Variants in TAB1 observed in about 807,000 individuals in gnomAD.
TAB1 encodes TGF-beta activated kinase 1 (MAP3K7) binding protein 1, also known as TGF-beta-activated kinase 1 and MAP3K7-binding protein 1.
TAB1 carries 30 observed loss-of-function variants against 54.5 expected under a neutral mutation model. The observed-to-expected ratio is 0.55, with a 90% confidence interval of 0.41 to 0.75. TAB1 has a LOEUF of 0.75. Among genes scored for constraint, TAB1 ranks in the 30% least tolerant of loss-of-function variants. The pLI is 0.00. For missense variants in TAB1, 609 were observed against 683.2 expected, an observed-to-expected ratio of 0.89 and a Z score of 1.21; for synonymous variants, 289 against 286.9, an observed-to-expected ratio of 1.01 and a Z score of -0.07.
In TAB1 at chr22:39,428,014, C is replaced by T; in HGVS notation, c.1145-7C>T. ...TGCCTGAGGCCCCCACTCTCTTCCT[C>T]CCAAAGCTGCAGGAGGACGAGTGTA... On this transcript the variant is annotated splice_polypyrimidine_tract_variant and splice_region_variant and intron_variant, in intron 9 of 10. Coordinates refer to ENST00000216160, the MANE Select transcript of TAB1 (RefSeq NM_006116.3). The T allele has an allele frequency of 6.3e-7, 1 of 1,580,176 alleles. No individual in the cohort carries two copies. Among genetic ancestry groups the T allele is most frequent in the African/African-American group, 1.3e-5 (1 of 74,588 alleles).
chr22:39,403,180 C>G (rs1280969961), intron 1 of TAB1, among the ~76,000 whole-genome samples: 1 of 152,230 alleles, frequency 6.6e-6, no homozygotes, highest in Non-Finnish European at 1.5e-5. Flanking sequence ...CTTTGTGGAG[C>G]TGATGGTCTA....
At chr22:39,435,574 C>A (rs1001941560), downstream of TAB1, among the ~76,000 whole-genome samples, 2 of 152,198 alleles carry the variant, frequency 1.3e-5, no homozygotes, top group African/African-American at 4.8e-5. Flanking sequence ...GGCAGAGTGA[C>A]TGGGAGACAG....
At chr22:39,414,745 T>G in intron 1 of TAB1, 1 of 470,436 alleles carries the variant, frequency 2.1e-6, no homozygotes, top group South Asian at 2.5e-5. Flanking sequence ...GGCTCACTCC[T>G]GGAGGTCATT....
chr22:39,399,807 C>T lies in TAB1; in HGVS notation c.5C>T (p.Ala2Val), dbSNP rs1926042725. The T allele has an allele frequency of 1.9e-6, 3 of 1,595,354 alleles. No homozygotes were observed. Among genetic ancestry groups the T allele is most frequent in the Non-Finnish European group, 2.6e-6 (3 of 1,171,496 alleles). ...TCCCGCAGGGGTTCCTCCAAGATGG[C>T]GGCGCAGAGGAGGAGCTTGCTGCAG... M[A>V]AQRRSLLQSE... Residue 2 changes from alanine to valine, a missense_variant, in exon 1 of 11, where the codon GCG becomes GTG. Transcript: ENST00000216160.
At position 39,426,778 on chromosome 22, in the gene TAB1, C is replaced by T. The variant is rs1313723406; in HGVS notation, c.997C>T (p.Arg333Trp). ...CGCAGTGGCCCAGGCCGTCGTGGAC[C>T]GGGTGAAGCGCATCCACAGCGACAC... Reference protein sequence around the residue: ...LDAVAQAVVDRVKRIHSDTFA... With the variant: ...LDAVAQAVVDWVKRIHSDTFA... The change falls in exon 9 of 11, where the codon CGG becomes TGG. Residue 333 changes from arginine to tryptophan, a missense_variant. Arg to Trp is a moderately radical substitution (Grantham distance 101). Transcript: ENST00000216160. 2.5e-6 allele frequency: 4 copies of T among 1,614,036 alleles called. No homozygotes were observed. The highest frequency in any genetic ancestry group is 1.3e-5 in the African/African-American group (1 of 75,064).
chr22:39,430,599 C>A lies in TAB1; in HGVS notation c.*377C>A, dbSNP rs1046348546. On this transcript the variant is annotated 3_prime_UTR_variant, in exon 11 of 11. Transcript: ENST00000216160. ...CCCTGAGTGTTGCAGGCCCAGCAGA[C>A]CCTGCTGTCCCAAGCCCACCCCTCC... 44 of 1,126,536 alleles carry A rather than the reference C, an allele frequency of 3.9e-5. 1 individual carries two copies. Among genetic ancestry groups the A allele is most frequent in the South Asian group, 9.5e-5 (4 of 42,292 alleles). The allele number at this position is 1,126,536 out of a possible 1,614,324, so 69.8% of individuals were successfully genotyped here.
At chr22:39,429,410 T>C (rs1274479777) in intron 10 of TAB1, 1 of 973,282 alleles carries the variant, frequency 1.0e-6, no homozygotes, top group East Asian at 1.1e-4. Context: ...AGTGCTCGCG[T>C]GGGTGCTGTC....
chr22:39,432,276 G>A (rs953065371), downstream of TAB1, among the ~76,000 whole-genome samples: 9 of 152,204 alleles, frequency 5.9e-5, no homozygotes, highest in African/African-American at 1.9e-4. Context: ...TCACCAGGGC[G>A]GAGGCCTTGC....
At chr22:39,433,945 C>A, downstream of TAB1, 1 of 490,574 alleles carries the variant, frequency 2.0e-6, no homozygotes, top group Non-Finnish European at 2.6e-6. Context: ...AGCCTGTATC[C>A]GTGTCGCCTC....
chr22:39,423,591 C>T (rs1442242342), intron 8 of TAB1, among the ~76,000 whole-genome samples: 2 of 152,136 alleles, frequency 1.3e-5, no homozygotes, highest in Non-Finnish European at 2.9e-5. Context: ...AGCAACAGAG[C>T]AAGACTCTGT....
intron 8 of TAB1, among the ~76,000 whole-genome samples, chr22:39,425,001 T>A (rs982968922): frequency 8.5e-5 from 13 of 152,160 alleles, no homozygotes; most frequent in African/African-American, 3.1e-4. Context: ...GAGAAAGTGA[T>A]ACATATTCAG....
At chr22:39,433,523 C>T (rs1174569514), downstream of TAB1, 2 of 985,242 alleles carry the variant, frequency 2.0e-6, no homozygotes, top group African/African-American at 3.5e-5. Context: ...AGGTCCTGGC[C>T]CTCAGAAATC....
At chr22:39,436,786 T>A (rs1927803507), downstream of TAB1, 6 of 580,250 alleles carry the variant, frequency 1.0e-5, no homozygotes, top group Non-Finnish European at 1.8e-5. Flanking sequence ...CACTCTCATC[T>A]TCTTTCCAGG....
At position 39,418,861 on chromosome 22, in the gene TAB1, G is replaced by C; in HGVS notation, c.664+16G>C. 6.3e-7 allele frequency: 1 copy of C among 1,599,298 alleles called. No individual in the cohort carries two copies. The highest frequency in any genetic ancestry group is 8.6e-7 in the Non-Finnish European group (1 of 1,166,682). On this transcript the variant is annotated intron_variant, in intron 6 of 10. Transcript: ENST00000216160. ...TCGCAGCTGGGTGAGTGGGGAGAGT[G>C]GGAGCGGAAGCTGATCCCCATGGGC...
chr22:39,414,615 C>G (rs1055351920), intron 1 of TAB1: 6 of 204,062 alleles, frequency 2.9e-5, no homozygotes, highest in African/African-American at 1.4e-4. Context: ...TGTTGGTAAC[C>G]AATGCTCAAG....
downstream of TAB1, chr22:39,436,425 C>G (rs1358765024): frequency 2.2e-6 from 3 of 1,387,800 alleles, no homozygotes; most frequent in Non-Finnish European, 3.1e-6. Context: ...CAAGATCACA[C>G]AGGAGCAAAG....
downstream of TAB1, chr22:39,433,946 G>A (rs1222443860): frequency 1.0e-5 from 5 of 477,470 alleles, no homozygotes; most frequent in Non-Finnish European, 1.3e-5. Flanking sequence ...GCCTGTATCC[G>A]TGTCGCCTCT....
rs17001093 is a variant in TAB1 at position 39,417,943 on chromosome 22, C to G, written c.550+94C>G. 1.1e-3 allele frequency: 1,618 copies of G among 1,473,828 alleles called. 25 individuals carry two copies. In the East Asian group the frequency reaches 0.032, roughly 29 times the overall value. The allele number at this position is 1,473,828 out of a possible 1,614,324, so 91.3% of individuals were successfully genotyped here. Reference sequence around the variant, plus strand: ...TTGACAATCTGCTTTCCAGACACTTCACGCACTTTAAACCCAGGGTCTCCT... The same window carrying G: ...TTGACAATCTGCTTTCCAGACACTTGACGCACTTTAAACCCAGGGTCTCCT... On this transcript the variant is annotated intron_variant, in intron 5 of 10. Coordinates refer to ENST00000216160, the MANE Select transcript of TAB1 (RefSeq NM_006116.3).
rs370831283 is a variant in TAB1, at chr22:39,415,620, C to A, written c.291C>A (p.His97Gln). ...ELLLGQLNAE[H>Q]AEADVRRVLL... ...TGCTGGGCCAGCTGAATGCCGAGCA[C>A]GCCGAGGCCGATGTGCGGCGTGTGC... Residue 97 changes from histidine to glutamine, a missense_variant, in exon 3 of 11, where the codon CAC (histidine) becomes CAA (glutamine). By Grantham distance (24) the His-to-Gln change is conservative. Coordinates refer to ENST00000216160, the MANE Select transcript of TAB1 (RefSeq NM_006116.3). This position sits in a 1 kb window ranked among gnomAD's most constrained non-coding sequence, Gnocchi z 4.9. 58 of 1,612,890 alleles carry A rather than the reference C, an allele frequency of 3.6e-5. No individual in the cohort carries two copies. Among genetic ancestry groups the A allele is most frequent in the Non-Finnish European group, 4.8e-5 (57 of 1,179,990 alleles).
Sources: gnomAD v4.1 joint callset for allele counts (sites outside exome capture counted in the v4.1 genomes callset) on GRCh38, gnomAD v4.1.1 for gene constraint, Gnocchi (gnomAD v3.1) non-coding constraint, MANE v1.5 for transcripts, NCBI Gene and HGNC (gene_info 2026-07-23, HGNC 2026-07-21) for gene names.